GPC6: variants seen among roughly 807,000 people sequenced by gnomAD.
The protein encoded by GPC6 is glypican-6.
A neutral mutation model predicts 55.2 loss-of-function variants in GPC6; 14 were observed. The ratio of observed to expected loss-of-function variants is 0.25; its 90% CI spans 0.17 to 0.40. GPC6 has a LOEUF of 0.40. GPC6 is among the 10% of genes least tolerant of loss of function. GPC6 has a pLI of 1.00. For synonymous variants in GPC6, 278 were observed against 259.6 expected, an observed-to-expected ratio of 1.07 and a Z score of -0.68; for missense variants, 641 against 708.5, an observed-to-expected ratio of 0.90 and a Z score of 1.08.
At chr13:93,335,999 T>G (rs1880032926) in intron 1 of GPC6, among the ~76,000 whole-genome samples, 1 of 152,214 alleles carries the variant, frequency 6.6e-6, no homozygotes, top group Non-Finnish European at 1.5e-5. Context: ...TAATTGATGA[T>G]GAAAAAGATT....
chr13:93,878,912 T>C (rs1874775723), intron 3 of GPC6, among the ~76,000 whole-genome samples: 1 of 152,042 alleles, frequency 6.6e-6, no homozygotes, highest in African/African-American at 2.4e-5. Context: ...TGGGTAAAGA[T>C]ATATTTAGAA....
chr13:93,446,746 T>C (rs953823227), intron 1 of GPC6, among the ~76,000 whole-genome samples: 1 of 152,242 alleles, frequency 6.6e-6, no homozygotes, highest in Non-Finnish European at 1.5e-5. Context: ...TTAGATTCGA[T>C]GTTTGCTTTT....
intron 3 of GPC6, among the ~76,000 whole-genome samples, chr13:93,910,714 G>T (rs73553748): frequency 0.096 from 14,547 of 152,018 alleles, 1,540 homozygotes; most frequent in East Asian, 0.3. Flanking sequence ...GGAAAGGGAG[G>T]GATTCAGCCT....
rs1249814653 is a variant in GPC6, at chr13:94,067,133, T to A, written c.877+39239T>A. ...GGAATACACTACATAATTGTCAGATTCTTCTTAATTGAAAAATACCTACTC... is the reference window on the plus strand; with the variant it reads ...GGAATACACTACATAATTGTCAGATACTTCTTAATTGAAAAATACCTACTC... On this transcript the variant is annotated intron_variant, in intron 4 of 8. Transcript: ENST00000377047. Among the ~76,000 whole-genome samples, 3 of 152,214 alleles carry A rather than the reference T, an allele frequency of 2.0e-5. No individual in the cohort carries two copies. The East Asian group carries it at 5.8e-4, about 29-fold the overall frequency.
chr13:94,295,265 G>A (rs753830153), intron 5 of GPC6, among the ~76,000 whole-genome samples: 21 of 152,202 alleles, frequency 1.4e-4, no homozygotes, highest in Non-Finnish European at 2.8e-4. Context: ...AGAGCACAAT[G>A]ATATAATCCA....
intron 1 of GPC6, among the ~76,000 whole-genome samples, chr13:93,529,016 TG>T (rs1881761038): frequency 2.6e-5 from 4 of 152,102 alleles, no homozygotes; most frequent in African/African-American, 2.4e-5. Flanking sequence ...TATCACAAAG[TG>T]ATACTTTCTA....
At chr13:93,246,673 C>T (rs951640995) in intron 1 of GPC6, among the ~76,000 whole-genome samples, 1 of 151,208 alleles carries the variant, frequency 6.6e-6, no homozygotes, top group Admixed American at 6.6e-5. Flanking sequence ...TGGTGGGCAC[C>T]TGTATTCCCA....
intron 1 of GPC6, among the ~76,000 whole-genome samples, chr13:93,441,840 A>G (rs990807292): frequency 6.6e-6 from 1 of 152,134 alleles, no homozygotes; most frequent in Admixed American, 6.5e-5. Flanking sequence ...TGGCATGATC[A>G]CAGCTCACTG....
At chr13:94,100,362 TTACTC>T (rs1885813702) in intron 4 of GPC6, among the ~76,000 whole-genome samples, 1 of 152,312 alleles carries the variant, frequency 6.6e-6, no homozygotes, top group South Asian at 2.1e-4. Context: ...GTTTAATACA[TTACTC>T]TAAAGGGGCA....
intron 2 of GPC6, among the ~76,000 whole-genome samples, chr13:93,570,787 A>G (rs910789296): frequency 1.3e-5 from 2 of 152,200 alleles, no homozygotes; most frequent in Admixed American, 6.6e-5. Flanking sequence ...GTTTTAAAGC[A>G]GTAGTTTTCA....
At chr13:93,529,011 CAAAG>C (rs1881760689) in intron 1 of GPC6, among the ~76,000 whole-genome samples, 4 of 152,046 alleles carry the variant, frequency 2.6e-5, no homozygotes, top group African/African-American at 2.4e-5. Context: ...GAAAGTATCA[CAAAG>C]TGATACTTTC....
chr13:93,347,349 A>G (rs560538441), intron 1 of GPC6, among the ~76,000 whole-genome samples: 5 of 152,258 alleles, frequency 3.3e-5, no homozygotes, highest in African/African-American at 1.2e-4. Context: ...TTTTTAAGTT[A>G]TCTTCCTGAT....
chr13:93,648,217 TAAC>T (rs1486412258), intron 2 of GPC6, among the ~76,000 whole-genome samples: 1 of 152,144 alleles, frequency 6.6e-6, no homozygotes, highest in Non-Finnish European at 1.5e-5. Flanking sequence ...GCATAATTTT[TAAC>T]AATCTACAGC....
At chr13:94,203,191 G>A (rs1889807544) in intron 4 of GPC6, among the ~76,000 whole-genome samples, 1 of 149,398 alleles carries the variant, frequency 6.7e-6, no homozygotes, top group Non-Finnish European at 1.5e-5. Context: ...TCACTTTTGG[G>A]GCATTTGAAA....
intron 3 of GPC6, among the ~76,000 whole-genome samples, chr13:93,895,218 A>ATGTGTGTGTGTGTGTGTGTGTG (rs1299548089): frequency 6.6e-5 from 4 of 60,418 alleles, no homozygotes; most frequent in South Asian, 5.9e-4. Flanking sequence ...GTGTGTGTGT[A>ATGTGTGTGTGTGTGTGTGTGTG]TGTATGTGTG....
intron 1 of GPC6, among the ~76,000 whole-genome samples, chr13:93,371,107 T>C (rs1874624005): frequency 6.6e-6 from 1 of 152,122 alleles, no homozygotes. Context: ...TGTATTCTGA[T>C]TTTGAAAACT....
At chr13:93,451,058 G>C (rs1039604027) in intron 1 of GPC6, among the ~76,000 whole-genome samples, 2 of 152,134 alleles carry the variant, frequency 1.3e-5, no homozygotes, top group Non-Finnish European at 2.9e-5. Flanking sequence ...GATCTGGCAG[G>C]AGCAAGTGAT....
intron 4 of GPC6, among the ~76,000 whole-genome samples, chr13:94,087,538 C>T (rs1470872364): frequency 6.6e-6 from 1 of 152,180 alleles, no homozygotes; most frequent in East Asian, 1.9e-4. Context: ...ATGTTTCAGG[C>T]ACTGTTACCT....
chr13:93,406,819 G>A (rs1390510637), intron 1 of GPC6, among the ~76,000 whole-genome samples: 10 of 152,048 alleles, frequency 6.6e-5, no homozygotes, highest in Non-Finnish European at 1.3e-4. Context: ...AGAGAAGTAC[G>A]GAGCATGAGC....
Sources: gnomAD v4.1 joint callset for allele counts (sites outside exome capture counted in the v4.1 genomes callset) on GRCh38, gnomAD v4.1.1 for gene constraint, MANE v1.5 for transcripts, NCBI Gene and HGNC (gene_info 2026-07-23, HGNC 2026-07-21) for gene names.